AKAP10: variants seen among roughly 807,000 people sequenced by gnomAD.
The protein encoded by AKAP10 is A-kinase anchoring protein 10, also known as A-kinase anchor protein 10, mitochondrial.
In AKAP10, 24 loss-of-function variants were observed where a neutral mutation model predicts 80.8. The observed-to-expected ratio is 0.30, with a 90% confidence interval of 0.22 to 0.42. The LOEUF is 0.42. Ranked by LOEUF, AKAP10 falls within the 10% of genes least tolerant of loss-of-function variation. The pLI is 1.00. For missense variants in AKAP10, 661 were observed against 794.9 expected (o/e 0.83, Z 2.03); for synonymous variants, 291 against 277.7 (o/e 1.05, Z -0.48).
intron 12 of AKAP10, among the ~76,000 whole-genome samples, chr17:19,917,105 A>T (rs2042753240): frequency 6.6e-6 from 1 of 151,422 alleles, no homozygotes; most frequent in African/African-American, 2.4e-5. Flanking sequence ...TCTACTAAAA[A>T]TAACAAAAAA....
Position 19,916,645 on chromosome 17 carries a change from A to G in AKAP10, c.1834+3391T>C, listed in dbSNP as rs1161913276. Among the ~76,000 whole-genome samples, 150 of 152,192 alleles carry G rather than the reference A, an allele frequency of 9.9e-4. 4 individuals are homozygous for G. The South Asian group carries it at 0.029, about 29-fold the overall frequency. The stretch of plus-strand genomic sequence containing the variant: ...GAGGTATGAGACCAGATTAAAAAAA[A>G]AAAAAAATCAGGCCAGGCACGGTGG... On this transcript the variant is annotated intron_variant, in intron 12 of 14. Coordinates refer to ENST00000225737, the MANE Select transcript of AKAP10 (RefSeq NM_007202.4).
chr17:19,963,496 A>G (rs774942067), intron 2 of AKAP10, among the ~76,000 whole-genome samples: 2 of 152,224 alleles, frequency 1.3e-5, no homozygotes, highest in Non-Finnish European at 2.9e-5. Flanking sequence ...ACAAAGCCAG[A>G]AAGCATTCTA....
intron 4 of AKAP10, among the ~76,000 whole-genome samples, chr17:19,953,307 G>A (rs1455936131): frequency 6.6e-6 from 1 of 151,270 alleles, no homozygotes; most frequent in Admixed American, 6.6e-5. Flanking sequence ...GAAAAGAAAG[G>A]TCTCAAACCA....
At chr17:19,950,499 C>T (rs1245288116) in intron 4 of AKAP10, among the ~76,000 whole-genome samples, 2 of 152,134 alleles carry the variant, frequency 1.3e-5, no homozygotes, top group Non-Finnish European at 2.9e-5. Flanking sequence ...TTGGTGGAGA[C>T]GGGGTTTCGC....
intron 2 of AKAP10, among the ~76,000 whole-genome samples, 189 bp from the exon 3 acceptor site, chr17:19,963,211 CTTTT>C (rs35363359): frequency 8.4e-6 from 1 of 119,590 alleles, no homozygotes; most frequent in Non-Finnish European, 1.7e-5. Context: ...AGAAAACACT[CTTTT>C]TTTTTTTTTT....
intron 6 of AKAP10, 34 bp downstream of exon 6, chr17:19,941,792 A>G: frequency 6.7e-7 from 1 of 1,500,198 alleles, no homozygotes; most frequent in Non-Finnish European, 9.0e-7. Context: ...CAAATTCCCT[A>G]GGATGCACAA....
chr17:19,952,615 T>C (rs559951112), intron 4 of AKAP10, among the ~76,000 whole-genome samples: 9 of 152,210 alleles, frequency 5.9e-5, no homozygotes, highest in African/African-American at 1.9e-4. Context: ...ACTAATCAAA[T>C]GAAAGCTGCA....
intron 5 of AKAP10, among the ~76,000 whole-genome samples, 162 bp from the exon 6 acceptor site, chr17:19,942,072 C>A (rs1332384409): frequency 2.6e-5 from 4 of 152,140 alleles, no homozygotes; most frequent in Admixed American, 2.6e-4. Flanking sequence ...AATAGAAAGT[C>A]TTTTGAAGTA....
intron 9 of AKAP10, among the ~76,000 whole-genome samples, chr17:19,934,170 C>T (rs1422570401): frequency 6.6e-6 from 1 of 152,110 alleles, no homozygotes; most frequent in Non-Finnish European, 1.5e-5. Context: ...ATCCACCCAC[C>T]TCGGCCTCCC....
intron 10 of AKAP10, among the ~76,000 whole-genome samples, chr17:19,924,994 T>C (rs1047935993): frequency 1.3e-5 from 2 of 151,942 alleles, no homozygotes; most frequent in African/African-American, 2.4e-5. Flanking sequence ...TGAAACCCAG[T>C]TTCTACTAAA....
At chr17:19,922,831 C>CA (rs1360037384) in intron 11 of AKAP10, among the ~76,000 whole-genome samples, 1 of 152,168 alleles carries the variant, frequency 6.6e-6, no homozygotes, top group Admixed American at 6.5e-5. Flanking sequence ...ACCTGGGAGA[C>CA]AGAGGTTGCA....
intron 4 of AKAP10, among the ~76,000 whole-genome samples, chr17:19,954,390 A>G (rs991646682): frequency 1.3e-5 from 2 of 152,172 alleles, no homozygotes; most frequent in Non-Finnish European, 2.9e-5. Context: ...ATATGTAAAA[A>G]TAAACAAAAA....
chr17:19,954,571 A>T (rs1160323411), intron 4 of AKAP10, among the ~76,000 whole-genome samples: 1 of 145,622 alleles, frequency 6.9e-6, no homozygotes, highest in Non-Finnish European at 1.5e-5. Context: ...TGCAAGCTCC[A>T]CCTCCCGGGT....
chr17:19,913,942 T>C (rs1298657977), intron 12 of AKAP10, among the ~76,000 whole-genome samples: 2 of 152,106 alleles, frequency 1.3e-5, no homozygotes, highest in Non-Finnish European at 1.5e-5. Context: ...TAGTGCCAAA[T>C]AGTATAGACA....
At chr17:19,972,946 G>T (rs974314613) in intron 1 of AKAP10, among the ~76,000 whole-genome samples, 1 of 151,912 alleles carries the variant, frequency 6.6e-6, no homozygotes, top group Non-Finnish European at 1.5e-5. Context: ...CTGCATCAGG[G>T]ATTGGCAAAC....
At chr17:19,959,085 T>TTCGGCAATCCACCCACC (rs2043318414) in intron 3 of AKAP10, among the ~76,000 whole-genome samples, 1 of 152,068 alleles carries the variant, frequency 6.6e-6, no homozygotes, top group African/African-American at 2.4e-5. Context: ...ACTCCTGACC[T>TTCGGCAATCCACCCACC]TCGGCAATCC....
At chr17:19,926,695 C>T (rs2042878363) in intron 10 of AKAP10, among the ~76,000 whole-genome samples, 1 of 152,144 alleles carries the variant, frequency 6.6e-6, no homozygotes, top group Admixed American at 6.5e-5. Context: ...GAACTTAAAA[C>T]ATAGGAATAA....
intron 9 of AKAP10, among the ~76,000 whole-genome samples, chr17:19,935,133 T>TA (rs1282700714): frequency 6.6e-6 from 1 of 152,224 alleles, no homozygotes; most frequent in African/African-American, 2.4e-5. Context: ...ACCCCTTGGC[T>TA]ATATGGTACA....
intron 4 of AKAP10, among the ~76,000 whole-genome samples, chr17:19,952,626 G>A (rs2043228417): frequency 6.6e-6 from 1 of 152,096 alleles, no homozygotes. Context: ...GAAAGCTGCA[G>A]TGTCTATATA....
Sources: gnomAD v4.1 joint callset for allele counts (sites outside exome capture counted in the v4.1 genomes callset) on GRCh38, gnomAD v4.1.1 for gene constraint, MANE v1.5 for transcripts, NCBI Gene and HGNC (gene_info 2026-07-23, HGNC 2026-07-21) for gene names.